DNAAF11: variants seen among roughly 807,000 people sequenced by gnomAD.
DNAAF11 encodes the protein dynein axonemal assembly factor 11.
A neutral mutation model predicts 60.8 loss-of-function variants in DNAAF11; 45 were observed. The ratio of observed to expected loss-of-function variants is 0.74; its 90% CI spans 0.58 to 0.95. DNAAF11 has a LOEUF of 0.95. Among genes scored for constraint, DNAAF11 ranks in the 40% least tolerant of loss-of-function variants. The pLI, the probability that DNAAF11 is intolerant of heterozygous loss-of-function variation, is 0.00. For synonymous variants in DNAAF11, 191 were observed against 183.5 expected, an observed-to-expected ratio of 1.04 and a Z score of -0.33; for missense variants, 546 against 546.2, an observed-to-expected ratio of 1.00 and a Z score of 0.00.
At chr8:132,695,070 TAAC>T in the DNAAF11 span, among the ~76,000 whole-genome samples, 1 of 152,214 alleles carries the variant, frequency 6.6e-6, no homozygotes, top group African/African-American at 2.4e-5. Flanking sequence ...CCATTGGATT[TAAC>T]AACATTGAAG....
chr8:132,671,218 G>C (rs1825158019), intron 1 of DNAAF11, among the ~76,000 whole-genome samples: 1 of 152,056 alleles, frequency 6.6e-6, no homozygotes, highest in Non-Finnish European at 1.5e-5. Flanking sequence ...AAGAAAGTTT[G>C]AAAAGATTGC....
intron 7 of DNAAF11, among the ~76,000 whole-genome samples, chr8:132,620,671 G>A (rs1819667192): frequency 6.6e-6 from 1 of 152,158 alleles, no homozygotes; most frequent in Admixed American, 6.5e-5. Context: ...TAAAACTAAA[G>A]CACAGCAAGA....
At chr8:132,581,028 G>A (rs1428283115) in intron 11 of DNAAF11, among the ~76,000 whole-genome samples, 1 of 152,162 alleles carries the variant, frequency 6.6e-6, no homozygotes, top group African/African-American at 2.4e-5. Flanking sequence ...TACGACAGAG[G>A]TGGCCTTCGT....
the DNAAF11 span, among the ~76,000 whole-genome samples, chr8:132,691,750 C>T: frequency 1.3e-5 from 2 of 152,046 alleles, no homozygotes; most frequent in African/African-American, 4.8e-5. Flanking sequence ...GAAACCACCC[C>T]CATCATCCAG....
At chr8:132,693,677 G>A in the DNAAF11 span, among the ~76,000 whole-genome samples, 1 of 152,044 alleles carries the variant, frequency 6.6e-6, no homozygotes, top group African/African-American at 2.4e-5. Flanking sequence ...AGCAAGCAGA[G>A]GAAGGAGATG....
the DNAAF11 span, among the ~76,000 whole-genome samples, chr8:132,692,595 T>C: frequency 6.6e-6 from 1 of 152,162 alleles, no homozygotes; most frequent in African/African-American, 2.4e-5. Flanking sequence ...CATGTAGGTA[T>C]TGATATAGCC....
At chr8:132,633,220 T>C (rs1820981497) in intron 4 of DNAAF11, among the ~76,000 whole-genome samples, 1 of 152,140 alleles carries the variant, frequency 6.6e-6, no homozygotes, top group African/African-American at 2.4e-5. Context: ...GCTCTCAAAA[T>C]ATTTTCTATT....
At chr8:132,597,719 T>G (rs1233951631) in intron 10 of DNAAF11, among the ~76,000 whole-genome samples, 1 of 152,186 alleles carries the variant, frequency 6.6e-6, no homozygotes, top group Non-Finnish European at 1.5e-5. Context: ...AATGTGTATT[T>G]CCTTGTCCCC....
rs1161548280 is a variant in DNAAF11 at position 132,621,526 on chromosome 8, A to C, written c.914+1085T>G. 2.6e-5 allele frequency among the ~76,000 whole-genome samples: 4 copies of C among 152,072 alleles called. 1 individual carries two copies. Among genetic ancestry groups the C allele is most frequent in the Non-Finnish European group, 5.9e-5 (4 of 67,986 alleles). Reference sequence around the variant, plus strand: ...AGGTGAGGCTGCAGTGTGTGGGAAGAGTGGTGGTCTTACCAGAGACACATG... The same window carrying C: ...AGGTGAGGCTGCAGTGTGTGGGAAGCGTGGTGGTCTTACCAGAGACACATG... On this transcript the variant is annotated intron_variant, in intron 7 of 11. Coordinates refer to ENST00000620350, the MANE Select transcript of DNAAF11 (RefSeq NM_012472.6).
intron 2 of DNAAF11, among the ~76,000 whole-genome samples, chr8:132,658,462 A>C (rs1344072965): frequency 1.3e-5 from 2 of 152,054 alleles, no homozygotes; most frequent in Non-Finnish European, 2.9e-5. Flanking sequence ...AGCTGGGACT[A>C]CAGGCGCCCG....
chr8:132,669,367 C>G (rs1168965816), intron 1 of DNAAF11, among the ~76,000 whole-genome samples: 1 of 152,068 alleles, frequency 6.6e-6, no homozygotes, highest in Non-Finnish European at 1.5e-5. Context: ...AGTGCCTGGC[C>G]CAAGGCAGTT....
chr8:132,582,266 G>C (rs1815419303), intron 11 of DNAAF11, among the ~76,000 whole-genome samples: 1 of 152,174 alleles, frequency 6.6e-6, no homozygotes, highest in Non-Finnish European at 1.5e-5. Context: ...TGTGATTGTG[G>C]TGTGATCCTT....
At chr8:132,643,804 G>T (rs1008659023) in intron 3 of DNAAF11, 3 of 443,888 alleles carry the variant, frequency 6.8e-6, no homozygotes, top group African/African-American at 4.0e-5. Context: ...AAAGGGAATT[G>T]TGAGTAGCTA....
intron 3 of DNAAF11, among the ~76,000 whole-genome samples, chr8:132,639,993 T>C (rs985593096): frequency 1.3e-5 from 2 of 152,306 alleles, no homozygotes; most frequent in East Asian, 1.9e-4. Flanking sequence ...CCATTAGACA[T>C]TGTAAGCTAC....
At chr8:132,603,519 AGAG>A (rs1817839772) in intron 10 of DNAAF11, among the ~76,000 whole-genome samples, 1 of 151,904 alleles carries the variant, frequency 6.6e-6, no homozygotes, top group African/African-American at 2.4e-5. Context: ...AGGTTAAATA[AGAG>A]GAGGACAAGG....
rs1269897130 is a variant in DNAAF11 at position 132,637,959 on chromosome 8, C to T, written c.405G>A (p.Val135=). ...CASFDHYREF[V]VATLPQLKWL... Reference sequence around the variant, plus strand: ...CCTTTAATTGTGGAAGAGTTGCTACCACGAACTCCCTATAGTGGTCAAAGG... The same window carrying T: ...CCTTTAATTGTGGAAGAGTTGCTACTACGAACTCCCTATAGTGGTCAAAGG... The change falls in exon 4 of 12, where the codon GTG becomes GTA. Residue 135 remains valine (V), a synonymous_variant. Transcript: ENST00000620350. The T allele has an allele frequency of 1.2e-6, 2 of 1,609,982 alleles. No individual in the cohort carries two copies. The highest frequency in any genetic ancestry group is 4.5e-5 in the East Asian group (2 of 44,814).
intron 3 of DNAAF11, among the ~76,000 whole-genome samples, chr8:132,641,655 A>G (rs1279489101): frequency 6.6e-6 from 1 of 152,172 alleles, no homozygotes. Flanking sequence ...AAACTAAAGG[A>G]CAGACAACTT....
At chr8:132,581,214 G>A (rs960708345) in intron 11 of DNAAF11, among the ~76,000 whole-genome samples, 5 of 152,074 alleles carry the variant, frequency 3.3e-5, no homozygotes, top group African/African-American at 1.2e-4. Flanking sequence ...CAACATAAAG[G>A]ACTACTTTTA....
intron 1 of DNAAF11, among the ~76,000 whole-genome samples, chr8:132,662,472 T>C (rs1351118457): frequency 6.6e-6 from 1 of 152,138 alleles, no homozygotes; most frequent in Non-Finnish European, 1.5e-5. Flanking sequence ...CTAAAACTGG[T>C]ATTTGTTGAA....
Sources: gnomAD v4.1 joint callset for allele counts (sites outside exome capture counted in the v4.1 genomes callset) on GRCh38, gnomAD v4.1.1 for gene constraint, MANE v1.5 for transcripts, NCBI Gene and HGNC (gene_info 2026-07-23, HGNC 2026-07-21) for gene names.